CLEC12B: variants seen among roughly 807,000 people sequenced by gnomAD.
CLEC12B encodes C-type lectin domain family 12 member B.
CLEC12B carries 25 observed loss-of-function variants against 36.1 expected under a neutral mutation model. That is an observed-to-expected ratio of 0.69 (90% CI 0.50 to 0.97). The LOEUF (loss-of-function observed/expected upper bound fraction) is 0.97, where lower values mean the gene tolerates loss of function less well. Among genes scored for constraint, CLEC12B ranks in the 50% least tolerant of loss-of-function variants. The probability of loss-of-function intolerance (pLI) is 0.00; values close to 1 mark genes in which losing one functional copy is unlikely to be tolerated. For missense variants in CLEC12B, 325 were observed against 318.4 expected, an observed-to-expected ratio of 1.02 and a Z score of -0.16; for synonymous variants, 110 against 108.5, an observed-to-expected ratio of 1.01 and a Z score of -0.09.
In CLEC12B at chr12:10,014,710, A is replaced by G; in HGVS notation, c.378A>G (p.Lys126=). 1 of 1,613,434 alleles carries G rather than the reference A, an allele frequency of 6.2e-7. No individual in the cohort carries two copies. Among genetic ancestry groups the G allele is most frequent in the Non-Finnish European group, 8.5e-7 (1 of 1,179,496 alleles). The change falls in exon 3 of 6, where the codon AAA becomes AAG. Residue 126 remains lysine, a synonymous_variant. Transcript: ENST00000338896. The part of the protein sequence containing the change: ...VLKRQEQMAI[K]LCQELIIHTS... ...AGAGGCAGGAACAAATGGCCATCAA[A>G]CTGTGCCAAGAGCTAATCATTCATA...
rs1473027883 is a variant in CLEC12B at position 10,010,816 on chromosome 12, G to A, written c.57G>A (p.Arg19=). The A allele has an allele frequency of 1.2e-6, 2 of 1,611,774 alleles. No homozygotes were observed. The highest frequency in any genetic ancestry group is 4.5e-5 in the East Asian group (2 of 44,862). Residue 19 remains arginine, a synonymous_variant, in exon 1 of 6, where the codon AGG becomes AGA. Coordinates refer to ENST00000338896, the MANE Select transcript of CLEC12B (RefSeq NM_001129998.3). ...CATTTCAGGATTCTGCTGGAGCAAG[G>A]AATAACCGAGATGGAAATAACCTAA... The part of the protein sequence containing the change: ...TLTFQDSAGA[R]NNRDGNNLRK...
chr12:10,009,444 A>G (rs1371112206), upstream of CLEC12B, among the ~76,000 whole-genome samples: 1 of 152,130 alleles, frequency 6.6e-6, no homozygotes, highest in Non-Finnish European at 1.5e-5. Context: ...TCTGAATTCA[A>G]CTAGAATAGT....
chr12:10,007,301 GA>G (rs537394218), upstream of CLEC12B, among the ~76,000 whole-genome samples: 9 of 151,676 alleles, frequency 5.9e-5, no homozygotes, highest in Middle Eastern at 6.8e-3. Flanking sequence ...AAGTAGAGAT[GA>G]AAAAAATGGA....
Position 10,014,713 on chromosome 12 carries a change from G to GA in CLEC12B, c.381_382insA (p.Cys128MetfsTer14). 1 of 1,613,220 alleles carries GA rather than the reference G, an allele frequency of 6.2e-7. No homozygotes were observed. Among genetic ancestry groups the GA allele is most frequent in the East Asian group, 2.2e-5 (1 of 44,860 alleles). On this transcript the variant is annotated frameshift_variant, in exon 3 of 6. Coordinates refer to ENST00000338896, the MANE Select transcript of CLEC12B (RefSeq NM_001129998.3). LOFTEE classifies it high-confidence loss of function. ...GGCAGGAACAAATGGCCATCAAACT[G>GA]TGCCAAGAGCTAATCATTCATACTT...
rs1591874060 is a variant in CLEC12B, at chr12:10,018,596, A to G, written c.*115A>G. ...GCTTTTAAAATGACTGTGTATTTAC[A>G]TTATCAGACAAATGAACTTGTTTAA... On this transcript the variant is annotated 3_prime_UTR_variant, in exon 6 of 6. Transcript: ENST00000338896. The G allele has an allele frequency of 2.5e-6, 2 of 793,212 alleles. No homozygotes were observed. Among genetic ancestry groups the G allele is most frequent in the South Asian group, 3.4e-5 (2 of 58,976 alleles). 49.1% of individuals were successfully genotyped at this position (793,212 alleles called of 1,614,324 possible). A position where few individuals can be genotyped will look rare whatever the true frequency, so the allele number is the denominator to read the frequency against.
chr12:10,015,225 T>A (rs369333768), intron 3 of CLEC12B, 27 bp from the exon 4 acceptor site: 2 of 1,591,182 alleles, frequency 1.3e-6, no homozygotes, highest in Admixed American at 1.7e-5. Flanking sequence ...CTTCAGTTTA[T>A]ATTATTGGGT....
At chr12:10,009,996 G>A (rs1273330541), upstream of CLEC12B, among the ~76,000 whole-genome samples, 1 of 151,918 alleles carries the variant, frequency 6.6e-6, no homozygotes, top group African/African-American at 2.4e-5. Flanking sequence ...TTAAAATCTT[G>A]TCCTGTGTAT....
chr12:10,013,943 G>C (rs1264247556), intron 2 of CLEC12B, among the ~76,000 whole-genome samples: 2 of 152,158 alleles, frequency 1.3e-5, no homozygotes, highest in African/African-American at 4.8e-5. Context: ...CGATATAGAA[G>C]GGTGACATTT....
intron 2 of CLEC12B, 179 bp downstream of exon 2, chr12:10,013,062 G>A: frequency 1.6e-6 from 1 of 616,276 alleles, no homozygotes. Context: ...ACATTATCAG[G>A]ATTTGGTTCT....
upstream of CLEC12B, among the ~76,000 whole-genome samples, chr12:10,010,212 A>T (rs972805164): frequency 1.3e-4 from 20 of 151,434 alleles, no homozygotes; most frequent in Middle Eastern, 3.4e-3. Context: ...ACACACACAC[A>T]CACACACACA....
upstream of CLEC12B, among the ~76,000 whole-genome samples, chr12:10,008,072 A>G (rs1865251821): frequency 6.6e-6 from 1 of 152,228 alleles, no homozygotes; most frequent in South Asian, 2.1e-4. Context: ...AATTTCTCAT[A>G]TTGGAAATGA....
At chr12:10,012,713 G>GAA (rs1206110653) in intron 1 of CLEC12B, 72 bp from the exon 2 acceptor site, 1 of 1,226,216 alleles carries the variant, frequency 8.2e-7, no homozygotes, top group African/African-American at 1.5e-5. Context: ...CTAAGTGGGA[G>GAA]AAATAAACAA....
chr12:10,012,467 T>C (rs140973983), intron 1 of CLEC12B, among the ~76,000 whole-genome samples: 13 of 152,306 alleles, frequency 8.5e-5, no homozygotes, highest in African/African-American at 3.1e-4. Context: ...TAGTTACATA[T>C]GTATACATGT....
intron 5 of CLEC12B, chr12:10,016,989 T>C: frequency 2.0e-6 from 2 of 982,810 alleles, no homozygotes; most frequent in Non-Finnish European, 2.4e-6. Flanking sequence ...GTTGTCAACG[T>C]TTTCTTAAAC....
At chr12:10,011,679 A>G (rs956325522) in intron 1 of CLEC12B, among the ~76,000 whole-genome samples, 2 of 152,296 alleles carry the variant, frequency 1.3e-5, no homozygotes, top group South Asian at 4.1e-4. Flanking sequence ...TATGTTAACT[A>G]TCCAGGTTCT....
upstream of CLEC12B, among the ~76,000 whole-genome samples, chr12:10,010,210 A>T (rs939743171): frequency 4.8e-4 from 72 of 150,756 alleles, no homozygotes; most frequent in African/African-American, 1.4e-3. Flanking sequence ...TCACACACAC[A>T]CACACACACA....
chr12:10,012,766 C>T lies in CLEC12B; in HGVS notation c.92-19C>T, dbSNP rs1418604573. 1 of 1,597,692 alleles carries T rather than the reference C, an allele frequency of 6.3e-7. No homozygotes were observed. The highest frequency in any genetic ancestry group is 8.6e-7 in the Non-Finnish European group (1 of 1,166,510). ...ACAAAGCAGTTCTGTGTGCTGATTG[C>T]TCTTTTGGCTTTCTCCAGGGCATCC... On this transcript the variant is annotated intron_variant, in intron 1 of 5. Transcript: ENST00000338896.
intron 1 of CLEC12B, among the ~76,000 whole-genome samples, chr12:10,012,113 C>A (rs1226207314): frequency 1.3e-5 from 2 of 152,164 alleles, no homozygotes; most frequent in Admixed American, 1.3e-4. Flanking sequence ...TTCCTTCTTT[C>A]ATTCAGTATT....
chr12:10,007,608 G>A (rs1485319619), upstream of CLEC12B, among the ~76,000 whole-genome samples: 1 of 152,192 alleles, frequency 6.6e-6, no homozygotes, highest in African/African-American at 2.4e-5. Flanking sequence ...TTGAGAGTCT[G>A]AGAAAGAAAA....
Sources: allele counts gnomAD v4.1 joint callset (sites outside exome capture counted in the v4.1 genomes callset), GRCh38; gene constraint gnomAD v4.1.1; transcripts MANE v1.5; gene names NCBI Gene and HGNC (gene_info 2026-07-23, HGNC 2026-07-21).